Variants in MZB1 observed in about 807,000 individuals in gnomAD.
MZB1 encodes marginal zone B and B1 cell specific protein, also known as marginal zone B- and B1-cell-specific protein.
MZB1 carries 10 observed loss-of-function variants against 17.2 expected under a neutral mutation model. The observed-to-expected ratio is 0.58, with a 90% confidence interval of 0.36 to 0.98. The LOEUF (loss-of-function observed/expected upper bound fraction) is 0.98, where lower values mean the gene tolerates loss of function less well. Among genes scored for constraint, MZB1 ranks in the 50% least tolerant of loss-of-function variants. The pLI is 0.01. For synonymous variants in MZB1, 99 were observed against 98.7 expected (o/e 1.00, Z -0.02); for missense variants, 246 against 237.5 (o/e 1.04, Z -0.23).
rs1470220375 is a variant in MZB1, at chr5:139,389,877, C to G, written c.-21G>C. ...CTCATGGCCCCAGGAGCCAGTTCAG[C>G]AAGTGTAGTCTGTGGTTGAGGTGCA... On this transcript the variant is annotated 5_prime_UTR_variant, in exon 1 of 4. Transcript: ENST00000302125. 6.5e-7 allele frequency: 1 copy of G among 1,537,150 alleles called. No homozygotes were observed. Among genetic ancestry groups the G allele is most frequent in the Non-Finnish European group, 8.7e-7 (1 of 1,145,236 alleles).
In MZB1 at chr5:139,389,662, C is replaced by A; in HGVS notation, c.177+18G>T. 6.3e-7 allele frequency: 1 copy of A among 1,582,144 alleles called. No homozygotes were observed. Among genetic ancestry groups the A allele is most frequent in the Non-Finnish European group, 8.6e-7 (1 of 1,163,948 alleles). On this transcript the variant is annotated intron_variant, in intron 1 of 3. Transcript: ENST00000302125. Reference sequence around the variant, plus strand: ...AAGGGGTGTGAGCAGGGCAGGGTGACAGTGGTGAAGGACTCACCTGGTAAG... The same window carrying A: ...AAGGGGTGTGAGCAGGGCAGGGTGAAAGTGGTGAAGGACTCACCTGGTAAG...
At chr5:139,389,575 T>G (rs1190354242) in intron 1 of MZB1, 105 bp downstream of exon 1, 4 of 1,320,318 alleles carry the variant, frequency 3.0e-6, no homozygotes, top group Non-Finnish European at 2.1e-6. Context: ...TGCCCAGTGG[T>G]AGGGATTGGG....
chr5:139,389,343 G>A (rs1758569690), intron 1 of MZB1: 4 of 542,166 alleles, frequency 7.4e-6, no homozygotes, highest in Admixed American at 2.3e-5. Flanking sequence ...GCGCTCACAC[G>A]TGTGCACTTG....
At position 139,387,926 on chromosome 5, in the gene MZB1, G is replaced by C; in HGVS notation, c.414-5C>G. The C allele has an allele frequency of 6.3e-7, 1 of 1,576,522 alleles. No homozygotes were observed. Among genetic ancestry groups the C allele is most frequent in the African/African-American group, 1.4e-5 (1 of 73,344 alleles). The stretch of plus-strand genomic sequence containing the variant: ...TGCAAACATGTCCTGGAGAGCCTAG[G>C]GGAGCCCAGCAGGAGCCTCAGATGC... On this transcript the variant is annotated splice_region_variant and splice_polypyrimidine_tract_variant and intron_variant, in intron 3 of 3. Transcript: ENST00000302125.
Position 139,389,820 on chromosome 5 carries a change from C to CCAG in MZB1, c.34_36dup (p.Leu12dup), listed in dbSNP as rs748501256. 41 of 1,548,106 alleles carry CCAG rather than the reference C, an allele frequency of 2.6e-5. No homozygotes were observed. The Admixed American group carries it at 3.5e-4, about 13-fold the overall frequency. ...AGGCCCCCTGGGATGGCCCAGGCTC[C>CCAG]CAGCAGCAGCAGCAGCAGTGGCAGT... is the stretch of plus-strand genomic sequence containing the variant. On this transcript the variant is annotated inframe_insertion, in exon 1 of 4. Coordinates refer to ENST00000302125, the MANE Select transcript of MZB1 (RefSeq NM_016459.4).
rs748501256 is a variant in MZB1 at position 139,389,820 on chromosome 5, C to CCAGCAG, written c.31_36dup (p.Leu11_Leu12dup). On this transcript the variant is annotated inframe_insertion, in exon 1 of 4. Transcript: ENST00000302125. The stretch of plus-strand genomic sequence containing the variant: ...AGGCCCCCTGGGATGGCCCAGGCTC[C>CCAGCAG]CAGCAGCAGCAGCAGCAGTGGCAGT... 6.5e-7 allele frequency: 1 copy of CCAGCAG among 1,548,194 alleles called. No individual in the cohort carries two copies. Among genetic ancestry groups the CCAGCAG allele is most frequent in the Non-Finnish European group, 8.7e-7 (1 of 1,146,268 alleles).
At position 139,388,004 on chromosome 5, in the gene MZB1, C is replaced by T. The variant is rs201720316; in HGVS notation, c.413+17G>A. The T allele has an allele frequency of 1.5e-4, 232 of 1,566,726 alleles. No homozygotes were observed. The highest frequency in any genetic ancestry group is 1.9e-4 in the Non-Finnish European group (215 of 1,155,780). ...GGCTCCAGGAGCTTCATCCTATCCC[C>T]AAGCCCCGGGCATCACCTGGTAGGC... On this transcript the variant is annotated intron_variant, in intron 3 of 3. Transcript: ENST00000302125.
At chr5:139,388,796 G>A (rs1758557461) in intron 1 of MZB1, 2 of 714,882 alleles carry the variant, frequency 2.8e-6, no homozygotes, top group African/African-American at 1.8e-5. Context: ...ATGCTGAAGT[G>A]GTAGGTGAGG....
At position 139,387,518 on chromosome 5, in the gene MZB1, C is replaced by T. The variant is rs1309058153; in HGVS notation, c.*247G>A. On this transcript the variant is annotated 3_prime_UTR_variant, in exon 4 of 4. Coordinates refer to ENST00000302125, the MANE Select transcript of MZB1 (RefSeq NM_016459.4). The stretch of plus-strand genomic sequence containing the variant: ...TTCACAAGGGACATCAGCAGAAACA[C>T]CAATGTCTGCACTCCCAGCCCCACA... 1.5e-5 allele frequency: 5 copies of T among 333,746 alleles called. No homozygotes were observed. In the East Asian group the frequency reaches 2.3e-4, roughly 15 times the overall value. 20.7% of individuals were successfully genotyped at this position (333,746 alleles called of 1,614,324 possible).
intron 1 of MZB1, chr5:139,389,242 C>T: frequency 5.8e-6 from 2 of 341,954 alleles, no homozygotes; most frequent in Non-Finnish European, 1.2e-5. Flanking sequence ...CACACAAGTA[C>T]TCCCAGGCCC....
Position 139,389,668 on chromosome 5 carries a change from T to A in MZB1, c.177+12A>T. On this transcript the variant is annotated intron_variant, in intron 1 of 3. Transcript: ENST00000302125. ...TGTGAGCAGGGCAGGGTGACAGTGG[T>A]GAAGGACTCACCTGGTAAGCCACAG... The A allele has an allele frequency of 3.8e-6, 6 of 1,585,054 alleles. No homozygotes were observed. Among genetic ancestry groups the A allele is most frequent in the Non-Finnish European group, 5.1e-6 (6 of 1,165,846 alleles).
chr5:139,388,053 G>T lies in MZB1; in HGVS notation c.381C>A (p.Ser127Arg). The T allele has an allele frequency of 6.4e-7, 1 of 1,554,924 alleles. No homozygotes were observed. Residue 127 changes from serine (S) to arginine (R), a missense_variant, in exon 3 of 4, where the codon AGC becomes AGA. By Grantham distance (110) the Ser-to-Arg change is moderately radical. Coordinates refer to ENST00000302125, the MANE Select transcript of MZB1 (RefSeq NM_016459.4). ...GLSEGPEPSI[S>R]VMVTGGPWPT... The stretch of plus-strand genomic sequence containing the variant: ...GCCAGGGGCCCCCTGTGACCATCAC[G>T]CTGATGCTTGGCTCTGGCCCCTCGC...
chr5:139,389,639 G>C, intron 1 of MZB1, 41 bp downstream of exon 1: 2 of 1,559,658 alleles, frequency 1.3e-6, no homozygotes, highest in Non-Finnish European at 1.7e-6. Flanking sequence ...GGCTTGAGAA[G>C]GGGTGTGAGC....
chr5:139,387,867 A>G lies in MZB1; in HGVS notation c.468T>C (p.Tyr156=). ...CCCCTCGGCCTTGTTGGTGGGCTTC[A>G]TAGATCTGGTCTTCTCCAAACTCCC... ...YLGEFGEDQI[Y]EAHQQGRGAL... is the part of the protein sequence containing the mutation. Residue 156 remains tyrosine (Y), a synonymous_variant, in exon 4 of 4, where the codon TAT becomes TAC. Transcript: ENST00000302125. 6.2e-7 allele frequency: 1 copy of G among 1,606,782 alleles called. No individual in the cohort carries two copies. The highest frequency in any genetic ancestry group is 8.5e-7 in the Non-Finnish European group (1 of 1,177,098).
rs150466273 is a variant in MZB1, at chr5:139,387,768, G to C, written c.567C>G (p.Leu189=). The change falls in exon 4 of 4, where the codon CTC becomes CTG. Residue 189 remains leucine, a synonymous_variant. Coordinates refer to ENST00000302125, the MANE Select transcript of MZB1 (RefSeq NM_016459.4). ...SEKVSATREE[L] ...CAGAGGAGGGTAGAGTCCAGGACTAGAGCTCTTCTCTTGTGGCTGACACCT... is the reference window on the plus strand; with the variant it reads ...CAGAGGAGGGTAGAGTCCAGGACTACAGCTCTTCTCTTGTGGCTGACACCT... The C allele has an allele frequency of 2.8e-3, 4,314 of 1,541,336 alleles. 18 individuals carry two copies. The highest frequency in any genetic ancestry group is 3.5e-3 in the Non-Finnish European group (4,005 of 1,152,380).
At chr5:139,389,613 G>A in intron 1 of MZB1, 67 bp downstream of exon 1, 1 of 1,512,050 alleles carries the variant, frequency 6.6e-7, no homozygotes, top group Non-Finnish European at 8.9e-7. Context: ...GGAATGTGAG[G>A]TGGGTGGAGG....
intron 1 of MZB1, 41 bp downstream of exon 1, chr5:139,389,639 G>T (rs999575276): frequency 2.6e-6 from 4 of 1,559,540 alleles, no homozygotes; most frequent in African/African-American, 2.7e-5. Flanking sequence ...GGCTTGAGAA[G>T]GGGTGTGAGC....
At position 139,389,861 on chromosome 5, in the gene MZB1, C is replaced by T; in HGVS notation, c.-5G>A. The T allele has an allele frequency of 6.5e-7, 1 of 1,542,176 alleles. No homozygotes were observed. The highest frequency in any genetic ancestry group is 8.7e-7 in the Non-Finnish European group (1 of 1,146,534). On this transcript the variant is annotated 5_prime_UTR_variant, in exon 1 of 4. Coordinates refer to ENST00000302125, the MANE Select transcript of MZB1 (RefSeq NM_016459.4). ...CAGTGGCAGTGACAGCCTCATGGCCCCAGGAGCCAGTTCAGCAAGTGTAGT... is the reference window on the plus strand; with the variant it reads ...CAGTGGCAGTGACAGCCTCATGGCCTCAGGAGCCAGTTCAGCAAGTGTAGT...
chr5:139,389,815 G>T lies in MZB1; in HGVS notation c.42C>A (p.Ala14=). The change falls in exon 1 of 4, where the codon GCC becomes GCA. Residue 14 remains alanine (A), a synonymous_variant. Transcript: ENST00000302125. ...CCCCGAGGCCCCCTGGGATGGCCCA[G>T]GCTCCCAGCAGCAGCAGCAGCAGTG... ...SLPLLLLLLG[A]WAIPGGLGDR... 1 of 1,550,228 alleles carries T rather than the reference G, an allele frequency of 6.5e-7. No homozygotes were observed.
Sources: gnomAD v4.1 joint callset for allele counts on GRCh38, gnomAD v4.1.1 for gene constraint, MANE v1.5 for transcripts, NCBI Gene and HGNC (gene_info 2026-07-23, HGNC 2026-07-21) for gene names.